Variants in HS2ST1 observed in about 807,000 individuals in gnomAD.
HS2ST1 encodes the protein 2-O-sulfotransferase.
In HS2ST1, 18 loss-of-function variants were observed where a neutral mutation model predicts 42.9. That is an observed-to-expected ratio of 0.42 (90% CI 0.29 to 0.62). The LOEUF is 0.62. Ranked by LOEUF, HS2ST1 falls within the 20% of genes least tolerant of loss-of-function variation. The pLI is 0.21. For synonymous variants in HS2ST1, 146 were observed against 152.9 expected (o/e 0.95, Z 0.33); for missense variants, 334 against 433.8 (o/e 0.77, Z 2.04).
Position 87,046,048 on chromosome 1 carries a change from A to T in HS2ST1, c.125-26886A>T, listed in dbSNP as rs1432317084. 3 of 666,376 alleles carry T rather than the reference A, an allele frequency of 4.5e-6. No individual in the cohort carries two copies. The African/African-American group carries it at 5.3e-5, about 12-fold the overall frequency. 41.3% of individuals were successfully genotyped at this position (666,376 alleles called of 1,614,324 possible). ...GCACTGCAGTTTTACCTGAAAGCTA[A>T]TATGGTTGCCTACCATGACAGCATC... is the stretch of plus-strand genomic sequence containing the variant. On this transcript the variant is annotated intron_variant, in intron 1 of 6. Transcript: ENST00000370550.
At chr1:86,936,158 T>A (rs1660649706) in intron 1 of HS2ST1, among the ~76,000 whole-genome samples, 1 of 152,176 alleles carries the variant, frequency 6.6e-6, no homozygotes, top group Admixed American at 6.5e-5. Context: ...AGAAGCTGCT[T>A]TGCTAATAGA....
intron 1 of HS2ST1, among the ~76,000 whole-genome samples, chr1:86,946,569 T>C (rs1647345005): frequency 6.6e-6 from 1 of 152,224 alleles, no homozygotes. Flanking sequence ...CAGAATCTCT[T>C]AGGATTCTTT....
chr1:87,027,115 C>G (rs147637401), intron 1 of HS2ST1, among the ~76,000 whole-genome samples: 82 of 152,130 alleles, frequency 5.4e-4, no homozygotes, highest in African/African-American at 1.9e-3. Flanking sequence ...TTTGAAATAC[C>G]ATTAGAATAG....
intron 1 of HS2ST1, among the ~76,000 whole-genome samples, chr1:87,058,757 T>C (rs1651042057): frequency 6.6e-6 from 1 of 151,648 alleles, no homozygotes; most frequent in Non-Finnish European, 1.5e-5. Flanking sequence ...GGTGAAGTAA[T>C]GTACATTTAA....
At chr1:87,056,159 G>A (rs1650962879) in intron 1 of HS2ST1, among the ~76,000 whole-genome samples, 2 of 152,176 alleles carry the variant, frequency 1.3e-5, no homozygotes, top group African/African-American at 4.8e-5. Flanking sequence ...GAGTTAGTGA[G>A]TCCTCACTCT....
chr1:86,958,053 A>G (rs1647725368), intron 1 of HS2ST1, among the ~76,000 whole-genome samples: 1 of 152,196 alleles, frequency 6.6e-6, no homozygotes, highest in Admixed American at 6.5e-5. Flanking sequence ...CGGCCTCCCA[A>G]AGTGCTGGGA....
At chr1:87,040,425 C>G (rs1278701700) in intron 1 of HS2ST1, among the ~76,000 whole-genome samples, 2 of 152,076 alleles carry the variant, frequency 1.3e-5, no homozygotes, top group African/African-American at 4.8e-5. Context: ...TTCTGCCCGT[C>G]TTTGAAGTAC....
At chr1:86,964,173 C>T (rs1229254427) in intron 1 of HS2ST1, among the ~76,000 whole-genome samples, 3 of 151,022 alleles carry the variant, frequency 2.0e-5, no homozygotes, top group Admixed American at 6.6e-5. Flanking sequence ...CGGGAAGAGG[C>T]GCTCCTCACT....
chr1:86,918,186 T>C (rs1337191187), intron 1 of HS2ST1, among the ~76,000 whole-genome samples: 3 of 152,136 alleles, frequency 2.0e-5, no homozygotes, highest in Admixed American at 2.0e-4. Flanking sequence ...CATTGACTAC[T>C]TGGGAAATTC....
At chr1:87,052,160 A>G (rs1351868039) in intron 1 of HS2ST1, among the ~76,000 whole-genome samples, 2 of 152,128 alleles carry the variant, frequency 1.3e-5, no homozygotes, top group Non-Finnish European at 2.9e-5. Context: ...AGCTGAGGTG[A>G]GAGGATCACT....
chr1:87,075,106 A>ACTT (rs1404252051), intron 2 of HS2ST1, among the ~76,000 whole-genome samples: 1 of 146,786 alleles, frequency 6.8e-6, no homozygotes, highest in East Asian at 2.0e-4. Flanking sequence ...GATATAACAC[A>ACTT]CTTTTATTTT....
At position 86,928,937 on chromosome 1, in the gene HS2ST1, G is replaced by A. The variant is rs147144752; in HGVS notation, c.124+13777G>A. The stretch of plus-strand genomic sequence containing the variant: ...TTCAGGTTTGTCTTATAGATAAGAT[G>A]CCATCGTGTGCCCTTTTTCTTTTAC... On this transcript the variant is annotated intron_variant, in intron 1 of 6. Coordinates refer to ENST00000370550, the MANE Select transcript of HS2ST1 (RefSeq NM_012262.4). 2.8e-3 allele frequency among the ~76,000 whole-genome samples: 427 copies of A among 151,956 alleles called. 4 individuals carry two copies. The highest frequency in any genetic ancestry group is 4.1e-3 in the Non-Finnish European group (277 of 67,778).
chr1:87,099,128 T>A (rs1289695361), intron 5 of HS2ST1, among the ~76,000 whole-genome samples: 1 of 152,196 alleles, frequency 6.6e-6, no homozygotes, highest in Admixed American at 6.5e-5. Flanking sequence ...CCACATACAT[T>A]TTTTTACTTA....
At chr1:87,002,720 A>G (rs1222139186) in intron 1 of HS2ST1, among the ~76,000 whole-genome samples, 4 of 152,002 alleles carry the variant, frequency 2.6e-5, no homozygotes, top group African/African-American at 9.7e-5. Flanking sequence ...CCTTTTGACC[A>G]AAAAGTTAAA....
chr1:87,068,400 T>C (rs915943073), intron 1 of HS2ST1, among the ~76,000 whole-genome samples: 23 of 152,200 alleles, frequency 1.5e-4, no homozygotes, highest in African/African-American at 5.6e-4. Flanking sequence ...TTTTTGCACA[T>C]TGATTTTGTA....
chr1:86,947,870 A>G (rs762382272), intron 1 of HS2ST1, among the ~76,000 whole-genome samples: 2 of 152,154 alleles, frequency 1.3e-5, no homozygotes, highest in Non-Finnish European at 2.9e-5. Flanking sequence ...TTTGGAGAAG[A>G]TGGTATAGGC....
chr1:86,981,769 C>T (rs1456038375), intron 1 of HS2ST1, among the ~76,000 whole-genome samples: 3 of 152,198 alleles, frequency 2.0e-5, no homozygotes, highest in Non-Finnish European at 2.9e-5. Flanking sequence ...GTGCCTGCAG[C>T]GTTTCCAGGT....
Position 86,993,108 on chromosome 1 carries a change from C to A in HS2ST1, c.124+77948C>A, listed in dbSNP as rs1293698341. 8 of 1,601,480 alleles carry A rather than the reference C, an allele frequency of 5.0e-6. No individual in the cohort carries two copies. In the Admixed American group the frequency reaches 8.5e-5, roughly 17 times the overall value. On this transcript the variant is annotated intron_variant, in intron 1 of 6. Transcript: ENST00000370550. Reference sequence around the variant, plus strand: ...TGCTGTTTATCAAATTCATTCATCTCGAAGTATTCAGTATGCCAGGTACTG... The same window carrying A: ...TGCTGTTTATCAAATTCATTCATCTAGAAGTATTCAGTATGCCAGGTACTG...
chr1:87,034,150 CAA>C (rs2100598344), intron 1 of HS2ST1, among the ~76,000 whole-genome samples: 1 of 152,096 alleles, frequency 6.6e-6, no homozygotes, highest in South Asian at 2.1e-4. Flanking sequence ...AGTGTCAAAA[CAA>C]AAATAGAATC....
Sources: allele counts gnomAD v4.1 joint callset (sites outside exome capture counted in the v4.1 genomes callset), GRCh38; gene constraint gnomAD v4.1.1; transcripts MANE v1.5; gene names NCBI Gene and HGNC (gene_info 2026-07-23, HGNC 2026-07-21).